The following ADGRB3 variants were observed in gnomAD, a reference collection of about 807,000 sequenced individuals.
ADGRB3 encodes brain-specific angiogenesis inhibitor 3.
A neutral mutation model predicts 193.4 loss-of-function variants in ADGRB3; 37 were observed. The ratio of observed to expected loss-of-function variants is 0.19; its 90% confidence interval spans 0.15 to 0.25. The LOEUF (loss-of-function observed/expected upper bound fraction) is 0.25. Among genes scored for constraint, ADGRB3 ranks in the 10% least tolerant of loss-of-function variants. ADGRB3 has a pLI of 1.00. For missense variants in ADGRB3, 1,637 were observed against 1,852.9 expected, an observed-to-expected ratio of 0.88 and a Z score of 2.14; for synonymous variants, 690 against 644.2, an observed-to-expected ratio of 1.07 and a Z score of -1.08.
At chr6:69,182,816 G>A (rs936933433) in intron 17 of ADGRB3, among the ~76,000 whole-genome samples, 1 of 152,048 alleles carries the variant, frequency 6.6e-6, no homozygotes, top group African/African-American at 2.4e-5. Flanking sequence ...ACCATGGCTG[G>A]TTTCAGGCTA....
At chr6:68,739,953 C>T (rs1365478997) in intron 3 of ADGRB3, among the ~76,000 whole-genome samples, 2 of 151,860 alleles carry the variant, frequency 1.3e-5, no homozygotes, top group Non-Finnish European at 2.9e-5. Flanking sequence ...AATAGAGATG[C>T]TTATTTAGCA....
At chr6:68,833,736 ATCACCACTAAGGGCAAT>A (rs1767997394) in intron 3 of ADGRB3, among the ~76,000 whole-genome samples, 1 of 151,994 alleles carries the variant, frequency 6.6e-6, no homozygotes, top group Admixed American at 6.6e-5. Context: ...TTTCTTAACA[ATCACCACTAAGGGCAAT>A]TCATAACTTA....
At chr6:68,864,268 A>T (rs1338748722) in intron 3 of ADGRB3, among the ~76,000 whole-genome samples, 1 of 152,220 alleles carries the variant, frequency 6.6e-6, no homozygotes, top group Non-Finnish European at 1.5e-5. Context: ...TATGGCACTT[A>T]TAGTTGCCAT....
chr6:69,383,541 A>G (rs1467425772), intron 31 of ADGRB3, among the ~76,000 whole-genome samples: 1 of 151,944 alleles, frequency 6.6e-6, no homozygotes, highest in Non-Finnish European at 1.5e-5. Flanking sequence ...AGCTTCACAG[A>G]AGTTTATGTA....
intron 20 of ADGRB3, among the ~76,000 whole-genome samples, chr6:69,267,822 T>C (rs1219258794): frequency 6.6e-6 from 1 of 152,118 alleles, no homozygotes; most frequent in Non-Finnish European, 1.5e-5. Flanking sequence ...CTTATGATAT[T>C]GAGTTTTTTC....
chr6:68,940,993 A>G lies in ADGRB3; in HGVS notation c.1031-2837A>G, dbSNP rs186928417. On this transcript the variant is annotated intron_variant, in intron 5 of 31. Transcript: ENST00000370598. Reference sequence around the variant, plus strand: ...TTTGTTTCAAAATATGGTTGAATATATTTTGTGTATGGCATATTCTTCATT... The same window carrying G: ...TTTGTTTCAAAATATGGTTGAATATGTTTTGTGTATGGCATATTCTTCATT... Among the ~76,000 whole-genome samples, 680 of 152,310 alleles carry G rather than the reference A, an allele frequency of 4.5e-3. 2 individuals are homozygous for G. Among genetic ancestry groups the G allele is most frequent in the African/African-American group, 0.015 (635 of 41,574 alleles).
intron 3 of ADGRB3, among the ~76,000 whole-genome samples, chr6:68,839,278 T>A (rs1036591438): frequency 1.3e-5 from 2 of 152,214 alleles, no homozygotes; most frequent in Non-Finnish European, 2.9e-5. Context: ...TAAAGTTGTG[T>A]TCCTCTGCCA....
intron 20 of ADGRB3, among the ~76,000 whole-genome samples, chr6:69,297,406 C>A (rs1174613081): frequency 1.7e-4 from 25 of 144,168 alleles, no homozygotes; most frequent in African/African-American, 2.9e-4. Context: ...CTCTCTCTCT[C>A]TCTCTATATA....
intron 15 of ADGRB3, among the ~76,000 whole-genome samples, chr6:69,054,283 C>A (rs1481414474): frequency 6.6e-6 from 1 of 152,022 alleles, no homozygotes; most frequent in Admixed American, 6.5e-5. Context: ...ATAAATGAGG[C>A]TGAAATTTTT....
chr6:68,923,370 A>G (rs1767097667), intron 3 of ADGRB3, among the ~76,000 whole-genome samples: 1 of 152,048 alleles, frequency 6.6e-6, no homozygotes, highest in African/African-American at 2.4e-5. Context: ...AATTGATTGT[A>G]ATTCAAGTAC....
chr6:68,906,082 T>G (rs567319907), intron 3 of ADGRB3, among the ~76,000 whole-genome samples: 2 of 152,182 alleles, frequency 1.3e-5, no homozygotes, highest in South Asian at 4.1e-4. Context: ...AGTTTCTTTT[T>G]TTTTTCTTTT....
At chr6:68,797,342 T>C (rs1767229284) in intron 3 of ADGRB3, among the ~76,000 whole-genome samples, 1 of 152,048 alleles carries the variant, frequency 6.6e-6, no homozygotes, top group African/African-American at 2.4e-5. Context: ...GAAAGCTTTT[T>C]TGGAATTTGT....
At chr6:69,265,073 A>T (rs1397805856) in intron 20 of ADGRB3, among the ~76,000 whole-genome samples, 12 of 152,106 alleles carry the variant, frequency 7.9e-5, no homozygotes, top group Non-Finnish European at 1.5e-5. Context: ...AGGAACAAAT[A>T]AAGTGGAACA....
intron 3 of ADGRB3, among the ~76,000 whole-genome samples, chr6:68,740,952 C>T (rs1364441946): frequency 6.6e-6 from 1 of 152,102 alleles, no homozygotes; most frequent in African/African-American, 2.4e-5. Flanking sequence ...TCCTGTTTCT[C>T]TGAAGTGCAT....
At chr6:69,280,378 C>T (rs183042198) in intron 20 of ADGRB3, among the ~76,000 whole-genome samples, 6 of 152,246 alleles carry the variant, frequency 3.9e-5, no homozygotes, top group African/African-American at 9.6e-5. Context: ...CAGTCTGTGT[C>T]TTCCTGAGAG....
At chr6:69,380,081 ATTAGGTAC>A (rs1769915703) in intron 30 of ADGRB3, among the ~76,000 whole-genome samples, 1 of 151,984 alleles carries the variant, frequency 6.6e-6, no homozygotes, top group African/African-American at 2.4e-5. Flanking sequence ...CCAGTTCTGA[ATTAGGTAC>A]TACCCATTCA....
intron 3 of ADGRB3, among the ~76,000 whole-genome samples, chr6:68,893,631 TAGAA>T (rs1562074884): frequency 6.7e-6 from 1 of 149,498 alleles, no homozygotes; most frequent in Non-Finnish European, 1.5e-5. Flanking sequence ...AAAAGGACAA[TAGAA>T]AGGAACACAC....
rs541652761 is a variant in ADGRB3, at chr6:69,332,745, C to G, written c.3103-178C>G. 32 of 985,366 alleles carry G rather than the reference C, an allele frequency of 3.2e-5. No individual in the cohort carries two copies. In the African/African-American group the frequency reaches 5.1e-4, roughly 16 times the overall value. The allele number at this position is 985,366 out of a possible 1,614,324, so 61.0% of individuals were successfully genotyped here. A position where few individuals can be genotyped will look rare whatever the true frequency, so the allele number is the denominator to read the frequency against. ...AATGTACTTTACAACTTTAAAGTAG[C>G]ACACCACTGTTAAATTGTTCCGTAT... On this transcript the variant is annotated intron_variant, in intron 23 of 31. Coordinates refer to ENST00000370598, the MANE Select transcript of ADGRB3 (RefSeq NM_001704.3).
At chr6:69,070,045 C>T (rs938119387) in intron 16 of ADGRB3, among the ~76,000 whole-genome samples, 3 of 152,078 alleles carry the variant, frequency 2.0e-5, no homozygotes, top group Non-Finnish European at 2.9e-5. Context: ...ACTCACTGAA[C>T]GATGTGACAG....
Sources: allele counts gnomAD v4.1 joint callset (sites outside exome capture counted in the v4.1 genomes callset), GRCh38; gene constraint gnomAD v4.1.1; transcripts MANE v1.5; gene names NCBI Gene and HGNC (gene_info 2026-07-23, HGNC 2026-07-21).